Variants in LARGE1 observed in about 807,000 individuals in gnomAD.
LARGE1 encodes xylosyl- and glucuronyltransferase LARGE1.
Under a neutral mutation model 87.6 loss-of-function variants are expected in LARGE1, and 43 were observed. The ratio of observed to expected loss-of-function variants is 0.49; its 90% CI spans 0.38 to 0.63. The LOEUF (loss-of-function observed/expected upper bound fraction) is 0.63. Among genes scored for constraint, LARGE1 ranks in the 30% least tolerant of loss-of-function variants. LARGE1 has a pLI of 0.00. For missense variants in LARGE1, 802 were observed against 1,000.2 expected (o/e 0.80, Z 2.67); for synonymous variants, 434 against 394.6 (o/e 1.10, Z -1.18).
the LARGE1 span, among the ~76,000 whole-genome samples, chr22:33,075,228 G>C: frequency 6.6e-6 from 1 of 152,118 alleles, no homozygotes; most frequent in Non-Finnish European, 1.5e-5. Flanking sequence ...AGGGAGATAT[G>C]GTAGCTATTA....
chr22:33,911,470 C>T (rs972138233), intron 1 of LARGE1, among the ~76,000 whole-genome samples: 8 of 152,094 alleles, frequency 5.3e-5, no homozygotes, highest in African/African-American at 9.7e-5. Flanking sequence ...TGCTGGGGAC[C>T]AAGTACTGAG....
Position 33,616,364 on chromosome 22 carries a change from A to C in LARGE1, c.491+9880T>G, listed in dbSNP as rs551551748. Among the ~76,000 whole-genome samples the C allele has an allele frequency of 7.9e-3, 1,202 of 152,038 alleles. 14 individuals carry two copies. The highest frequency in any genetic ancestry group is 0.027 in the African/African-American group (1,138 of 41,500). On this transcript the variant is annotated intron_variant, in intron 4 of 14. Transcript: ENST00000397394. ...TCTCCCAAAAACAAAAAAATAAGAAAATTTAAAAAATTAAAAAATTAGCTG... is the reference window on the plus strand; with the variant it reads ...TCTCCCAAAAACAAAAAAATAAGAACATTTAAAAAATTAAAAAATTAGCTG...
the LARGE1 span, among the ~76,000 whole-genome samples, chr22:33,111,631 A>G: frequency 6.6e-6 from 1 of 152,174 alleles, no homozygotes; most frequent in Non-Finnish European, 1.5e-5. Context: ...CGTCATGGCA[A>G]CAAAGATCAG....
rs557393932 is a variant in LARGE1 at position 33,520,861 on chromosome 22, C to G, written c.787+43987G>C. ...AAAAGCTCACTTCCTTAAGGCATAA[C>G]AAGCTTCCAGCTGTATTTTCATTGC... On this transcript the variant is annotated intron_variant, in intron 6 of 14. Coordinates refer to ENST00000397394, the MANE Select transcript of LARGE1 (RefSeq NM_133642.5). 3.9e-5 allele frequency among the ~76,000 whole-genome samples: 6 copies of G among 152,304 alleles called. No individual in the cohort carries two copies. The South Asian group carries it at 1.2e-3, about 32-fold the overall frequency.
chr22:33,712,537 C>G (rs527340186), intron 2 of LARGE1, among the ~76,000 whole-genome samples: 11 of 152,148 alleles, frequency 7.2e-5, no homozygotes, highest in African/African-American at 2.7e-4. Context: ...TCAGGAAACC[C>G]CTCCTTGACT....
At chr22:33,115,197 G>T in the LARGE1 span, among the ~76,000 whole-genome samples, 1 of 152,082 alleles carries the variant, frequency 6.6e-6, no homozygotes, top group Non-Finnish European at 1.5e-5. Context: ...TTGGAAGTAG[G>T]GCCTTTAAAG....
intron 2 of LARGE1, among the ~76,000 whole-genome samples, chr22:33,751,035 T>C (rs79222973): frequency 2.3e-3 from 343 of 152,302 alleles, no homozygotes; most frequent in African/African-American, 7.8e-3. Context: ...ATGCAAAACC[T>C]ACAAAATCAC....
At position 33,864,645 on chromosome 22, in the gene LARGE1, T is replaced by C. The variant is rs1301122437; in HGVS notation, c.-83+55350A>G. Among the ~76,000 whole-genome samples, 5 of 152,124 alleles carry C rather than the reference T, an allele frequency of 3.3e-5. No individual in the cohort carries two copies. The South Asian group carries it at 6.2e-4, about 19-fold the overall frequency. ...AATAGAGACTCAAATGCTGGACTGATGGATGGATGAATGGATAGATGGGCA... is the reference window on the plus strand; with the variant it reads ...AATAGAGACTCAAATGCTGGACTGACGGATGGATGAATGGATAGATGGGCA... On this transcript the variant is annotated intron_variant, in intron 1 of 14. Transcript: ENST00000397394.
intron 3 of LARGE1, among the ~76,000 whole-genome samples, chr22:33,633,486 A>C (rs1236769037): frequency 6.6e-6 from 1 of 152,182 alleles, no homozygotes; most frequent in East Asian, 1.9e-4. Flanking sequence ...TTCACAGATA[A>C]ATATGGGGAA....
chr22:33,361,724 C>CAGAGTCCCACCTCTTT (rs2064392631), intron 9 of LARGE1, among the ~76,000 whole-genome samples: 1 of 138,214 alleles, frequency 7.2e-6, no homozygotes, highest in Non-Finnish European at 1.6e-5. Flanking sequence ...CCAACTGGCT[C>CAGAGTCCCACCTCTTT]AGAGTCCCTC....
intron 10 of LARGE1, among the ~76,000 whole-genome samples, chr22:33,326,943 A>C (rs1371994668): frequency 6.6e-6 from 1 of 152,138 alleles, no homozygotes; most frequent in African/African-American, 2.4e-5. Flanking sequence ...GGAGCTTAAC[A>C]CATTCCTGGA....
At chr22:33,308,978 T>C (rs1415818389) in intron 11 of LARGE1, among the ~76,000 whole-genome samples, 1 of 152,216 alleles carries the variant, frequency 6.6e-6, no homozygotes, top group African/African-American at 2.4e-5. Flanking sequence ...TTTCTGCCTC[T>C]CAAACATGTC....
At chr22:33,454,316 T>A (rs534592547) in intron 6 of LARGE1, among the ~76,000 whole-genome samples, 94 of 151,956 alleles carry the variant, frequency 6.2e-4, no homozygotes, top group South Asian at 2.3e-3. Context: ...CTAGGTAAAT[T>A]ATAAGAAAAG....
intron 7 of LARGE1, among the ~76,000 whole-genome samples, chr22:33,415,938 C>T (rs765057404): frequency 6.6e-6 from 1 of 152,190 alleles, no homozygotes; most frequent in Non-Finnish European, 1.5e-5. Context: ...CTTAGACCTC[C>T]CTGATTCCCA....
At position 33,591,908 on chromosome 22, in the gene LARGE1, C is replaced by A. The variant is rs138632178; in HGVS notation, c.615+12527G>T. On this transcript the variant is annotated intron_variant, in intron 5 of 14. Coordinates refer to ENST00000397394, the MANE Select transcript of LARGE1 (RefSeq NM_133642.5). ...AGGCGTGATAGCATGTGCCTGTAGT[C>A]CCAGCTACTCTAGAGGATGAGGCAG... Among the ~76,000 whole-genome samples, 88 of 149,360 alleles carry A rather than the reference C, an allele frequency of 5.9e-4. No individual in the cohort carries two copies. The East Asian group carries it at 0.012, about 21-fold the overall frequency.
chr22:33,724,630 G>A (rs1240340226), intron 2 of LARGE1, among the ~76,000 whole-genome samples: 1 of 152,220 alleles, frequency 6.6e-6, no homozygotes, highest in African/African-American at 2.4e-5. Flanking sequence ...ATTCCTCCCA[G>A]AAAATGGTGA....
At chr22:33,229,599 C>T (rs1261555658) in intron 11 of LARGE1, among the ~76,000 whole-genome samples, 1 of 151,948 alleles carries the variant, frequency 6.6e-6, no homozygotes, top group Non-Finnish European at 1.5e-5. Flanking sequence ...GAATTTAGAG[C>T]TTGTCACAGA....
intron 2 of LARGE1, among the ~76,000 whole-genome samples, chr22:33,749,104 C>A (rs2084213911): frequency 6.6e-6 from 1 of 152,202 alleles, no homozygotes; most frequent in Admixed American, 6.5e-5. Context: ...GCGGTGTAAG[C>A]TACAGGTTGT....
intron 1 of LARGE1, among the ~76,000 whole-genome samples, chr22:33,915,876 A>G (rs2065772448): frequency 6.6e-6 from 1 of 152,178 alleles, no homozygotes; most frequent in African/African-American, 2.4e-5. Context: ...TAGATACTTT[A>G]GGGTTTCCAT....
Sources: allele counts gnomAD v4.1 joint callset (sites outside exome capture counted in the v4.1 genomes callset), GRCh38; gene constraint gnomAD v4.1.1; transcripts MANE v1.5; gene names NCBI Gene and HGNC (gene_info 2026-07-23, HGNC 2026-07-21).